The following USH1C variants were observed in gnomAD, a reference collection of about 807,000 sequenced individuals.
USH1C encodes the protein USH1 protein network component harmonin, also known as harmonin.
Under a neutral mutation model 119.3 loss-of-function variants are expected in USH1C, and 90 were observed. The ratio of observed to expected loss-of-function variants is 0.75; its 90% CI spans 0.64 to 0.90. The LOEUF is 0.90. Among genes scored for constraint, USH1C ranks in the 40% least tolerant of loss-of-function variants. USH1C has a pLI of 0.00. For missense variants in USH1C, 1,165 were observed against 1,167.7 expected (o/e 1.00, Z 0.03); for synonymous variants, 465 against 443.3 (o/e 1.05, Z -0.62).
At chr11:17,536,054 C>T (rs1185620716) in intron 1 of USH1C, among the ~76,000 whole-genome samples, 1 of 152,216 alleles carries the variant, frequency 6.6e-6, no homozygotes, top group Non-Finnish European at 1.5e-5. Context: ...CATCTCTCTC[C>T]TCTGCACTGT....
Position 17,493,905 on chromosome 11 carries a change from A to G in USH1C, c.*427T>C, listed in dbSNP as rs1216254308. ...CCACACTCACTCCTATAAGCTGGAA[A>G]ATAAATCTATTTTATTAATGAGCTC... On this transcript the variant is annotated 3_prime_UTR_variant, in exon 27 of 27. Coordinates refer to ENST00000005226, the MANE Select transcript of USH1C (RefSeq NM_153676.4). 3 of 118,812 alleles carry G rather than the reference A, an allele frequency of 2.5e-5. No homozygotes were observed. The highest frequency in any genetic ancestry group is 4.5e-5 in the Non-Finnish European group (3 of 66,274). The allele number at this position is 118,812 out of a possible 1,614,324, so 7.4% of individuals were successfully genotyped here. A position where few individuals can be genotyped will look rare whatever the true frequency, so the allele number is the denominator to read the frequency against.
chr11:17,524,455 A>G lies in USH1C; in HGVS notation c.755T>C (p.Leu252Ser). ...KPGSLSAEVG[L>S]EIGDQIVEVN... ...GGCCGGCCCAGCGTCACTCACCTCC[A>G]ATCCCACCTCAGCAGACAGGGAGCC... Residue 252 changes from leucine to serine, a missense_variant, in exon 9 of 27, where the codon TTG becomes TCG. By Grantham distance (145) the Leu-to-Ser change is moderately radical (BLOSUM62 -2). Transcript: ENST00000005226. The G allele has an allele frequency of 6.4e-7, 1 of 1,571,876 alleles. No individual in the cohort carries two copies. Among genetic ancestry groups the G allele is most frequent in the Non-Finnish European group, 8.6e-7 (1 of 1,157,086 alleles).
chr11:17,505,849 G>A lies in USH1C; in HGVS notation c.2114C>T (p.Ala705Val), dbSNP rs1440394370. The change falls in exon 19 of 27, where the codon GCT becomes GTT. Residue 705 changes from alanine (A) to valine (V), a missense_variant. Transcript: ENST00000005226. ...HQEPNFIYRP[A>V]VKSEVLPQEM... ...GCTTACCAGAACTTCAGATTTCACA[G>A]CTGGCCTGTAGATGAAATTGGGCTC... is the stretch of plus-strand genomic sequence containing the variant. 1 of 1,614,032 alleles carries A rather than the reference G, an allele frequency of 6.2e-7. No homozygotes were observed. The highest frequency in any genetic ancestry group is 8.5e-7 in the Non-Finnish European group (1 of 1,180,014).
chr11:17,524,420 C>A (rs1263557586), intron 9 of USH1C, 31 bp downstream of exon 9: 3 of 1,555,384 alleles, frequency 1.9e-6, no homozygotes, highest in Non-Finnish European at 2.6e-6. Flanking sequence ...TTCCAGTGGG[C>A]CCCCACTGGG....
chr11:17,536,693 T>G (rs1230645923), intron 1 of USH1C, among the ~76,000 whole-genome samples: 1 of 152,226 alleles, frequency 6.6e-6, no homozygotes, highest in African/African-American at 2.4e-5. Flanking sequence ...GTTCTGCCAT[T>G]GCTCGCTTCA....
intron 15 of USH1C, among the ~76,000 whole-genome samples, chr11:17,513,949 G>A (rs1185566083): frequency 6.6e-6 from 1 of 152,250 alleles, no homozygotes; most frequent in African/African-American, 2.4e-5. Flanking sequence ...CAGAGGGCAA[G>A]TTGCCCCATG....
chr11:17,529,306 A>C (rs963177984), intron 4 of USH1C, among the ~76,000 whole-genome samples: 14 of 152,210 alleles, frequency 9.2e-5, no homozygotes, highest in South Asian at 2.1e-4. Flanking sequence ...GGAAAAAAAA[A>C]CAAAAACCAA....
At chr11:17,509,932 C>G (rs1459526620) in intron 17 of USH1C, 94 bp from the exon 18 acceptor site, 8 of 1,441,382 alleles carry the variant, frequency 5.6e-6, no homozygotes, top group Non-Finnish European at 7.5e-6. Context: ...ATCTGTTTCT[C>G]TTGCTACTGG....
rs777321803 is a variant in USH1C at position 17,526,407 on chromosome 11, C to T, written c.614G>A (p.Arg205Gln). The T allele has an allele frequency of 2.0e-5, 32 of 1,613,942 alleles. No individual in the cohort carries two copies. The highest frequency in any genetic ancestry group is 2.5e-5 in the Non-Finnish European group (30 of 1,180,010). The change falls in exon 8 of 27, where the codon CGG becomes CAG. Residue 205 changes from arginine (R) to glutamine (Q), a missense_variant. Physicochemically the swap from Arg to Gln is conservative, Grantham distance 43. Coordinates refer to ENST00000005226, the MANE Select transcript of USH1C (RefSeq NM_153676.4). ...GAAGACCTTCTTCTCCTTGTTTTCC[C>T]GATTTCCAGGGGAGCCCAGGCTGCC... ...VRGSLGSPGN[R>Q]ENKEKKVFIS...
chr11:17,531,401 G>C lies in USH1C; in HGVS notation c.246C>G (p.Ser82=). The C allele has an allele frequency of 6.2e-7, 1 of 1,613,804 alleles. No individual in the cohort carries two copies. Among genetic ancestry groups the C allele is most frequent in the Non-Finnish European group, 8.5e-7 (1 of 1,179,852 alleles). Residue 82 remains serine (S), a splice_region_variant and synonymous_variant, in exon 3 of 27, where the codon TCC becomes TCG. Coordinates refer to ENST00000005226, the MANE Select transcript of USH1C (RefSeq NM_153676.4). The surrounding 1 kb of genome is among the most constrained non-coding windows in gnomAD (Gnocchi z 4.2). ...CAGCCTGGTGGCTTCCTCTGCACCT[G>C]GAGCGCCGGGGGGTCAGCTGATCAT... The part of the protein sequence containing the change: ...VEYDQLTPRR[S]RKLKEVRLDR...
At chr11:17,528,443 GT>G (rs1432069453) in intron 4 of USH1C, among the ~76,000 whole-genome samples, 1 of 152,258 alleles carries the variant, frequency 6.6e-6, no homozygotes, top group Non-Finnish European at 1.5e-5. Context: ...AGGAAGTGAG[GT>G]TTTGTCCAAG....
chr11:17,504,808 C>A, intron 19 of USH1C, 111 bp from the exon 20 acceptor site: 1 of 1,104,314 alleles, frequency 9.1e-7, no homozygotes, highest in Non-Finnish European at 1.4e-6. Flanking sequence ...TGCCAATGTC[C>A]CTCCCCGAGC....
rs114812917 is a variant in USH1C, at chr11:17,497,124, G to A, written c.2491-311C>T. ...GGGAACTTCTTAAAAGTGTAGGCTC[G>A]TAGACTTGGCCCCCAGAAGTCAAGG... On this transcript the variant is annotated intron_variant, in intron 24 of 26. Coordinates refer to ENST00000005226, the MANE Select transcript of USH1C (RefSeq NM_153676.4). 2.4e-3 allele frequency among the ~76,000 whole-genome samples: 358 copies of A among 152,108 alleles called. 1 individual carries two copies. The highest frequency in any genetic ancestry group is 8.1e-3 in the African/African-American group (336 of 41,488).
chr11:17,535,404 C>T (rs898820275), intron 1 of USH1C, among the ~76,000 whole-genome samples: 2 of 152,024 alleles, frequency 1.3e-5, no homozygotes, highest in Admixed American at 1.3e-4. Context: ...CTTCCCTGCT[C>T]ACCTACCCAG....
chr11:17,510,676 C>T (rs1159704690), intron 16 of USH1C, among the ~76,000 whole-genome samples, 155 bp from the exon 17 acceptor site: 1 of 152,102 alleles, frequency 6.6e-6, no homozygotes, highest in African/African-American at 2.4e-5. Context: ...TCCAACTGGC[C>T]CTCAAGGAGG....
chr11:17,541,323 G>GT (rs1366338447), intron 1 of USH1C, among the ~76,000 whole-genome samples: 5 of 152,108 alleles, frequency 3.3e-5, no homozygotes, highest in Non-Finnish European at 5.9e-5. Context: ...GCTTTATTTT[G>GT]TTTTTTGATG....
At position 17,517,468 on chromosome 11, in the gene USH1C, T is replaced by A. The variant is rs758807447; in HGVS notation, c.1211-1178A>T. ...GGGCTCGAGCTCAGGTTCCACTCCC[T>A]GATCATCTACCCAGGGAAAAGAGGA... is the stretch of plus-strand genomic sequence containing the variant. On this transcript the variant is annotated intron_variant, in intron 14 of 26. Coordinates refer to ENST00000005226, the MANE Select transcript of USH1C (RefSeq NM_153676.4). 3.8e-6 allele frequency: 6 copies of A among 1,592,356 alleles called. No individual in the cohort carries two copies. Among genetic ancestry groups the A allele is most frequent in the Non-Finnish European group, 5.1e-6 (6 of 1,168,622 alleles).
chr11:17,509,352 T>C lies in USH1C; in HGVS notation c.2013+4A>G, dbSNP rs745912768. 1.1e-5 allele frequency: 17 copies of C among 1,572,482 alleles called. No individual in the cohort carries two copies. Among genetic ancestry groups the C allele is most frequent in the South Asian group, 2.4e-5 (2 of 84,708 alleles). On this transcript the variant is annotated splice_donor_region_variant and intron_variant, in intron 18 of 26. Coordinates refer to ENST00000005226, the MANE Select transcript of USH1C (RefSeq NM_153676.4). ...AAACATAGCATGCAGAACAGGGACA[T>C]TACCTTTGGGGTGGGTGGGAAGCTC...
rs760448018 is a variant in USH1C, at chr11:17,522,875, G to A, written c.928C>T (p.Arg310Cys). 5.6e-6 allele frequency: 9 copies of A among 1,610,974 alleles called. No individual in the cohort carries two copies. The highest frequency in any genetic ancestry group is 1.1e-5 in the South Asian group (1 of 90,876). Reference protein sequence around the residue: ...DRERLAEARQRELQRQELLMQ... With the variant: ...DRERLAEARQCELQRQELLMQ... ...AGAAGCTCCTGCCGCTGCAGCTCAC[G>A]CTGCCGCGCCTCTGCCAGCCGCTCC... The change falls in exon 12 of 27, where the codon CGT becomes TGT. Residue 310 changes from arginine (R) to cysteine (C), a missense_variant. Physicochemically the swap from Arg to Cys is radical, Grantham distance 180. Coordinates refer to ENST00000005226, the MANE Select transcript of USH1C (RefSeq NM_153676.4).
Sources: gnomAD v4.1 joint callset for allele counts (sites outside exome capture counted in the v4.1 genomes callset) on GRCh38, gnomAD v4.1.1 for gene constraint, Gnocchi (gnomAD v3.1) non-coding constraint, MANE v1.5 for transcripts, NCBI Gene and HGNC (gene_info 2026-07-23, HGNC 2026-07-21) for gene names.